NT5DC3: variants seen among roughly 807,000 people sequenced by gnomAD.
NT5DC3 encodes 5'-nucleotidase domain containing 3.
Under a neutral mutation model 67.8 loss-of-function variants are expected in NT5DC3, and 42 were observed. That is an observed-to-expected ratio of 0.62 (90% CI 0.48 to 0.80). The LOEUF (loss-of-function observed/expected upper bound fraction) is 0.80, where lower values mean the gene tolerates loss of function less well. Ranked by LOEUF, NT5DC3 falls within the 30% of genes least tolerant of loss-of-function variation. The pLI is 0.00. For synonymous variants in NT5DC3, 237 were observed against 255.6 expected (o/e 0.93, Z 0.69); for missense variants, 570 against 696.4 (o/e 0.82, Z 2.04).
At chr12:103,762,489 C>T in the NT5DC3 span, 1 of 1,591,846 alleles carries the variant, frequency 6.3e-7, no homozygotes. Context: ...GGTGGCTGCG[C>T]CAGAGTCCTC....
At chr12:103,755,228 A>C in the NT5DC3 span, 1 of 1,568,618 alleles carries the variant, frequency 6.4e-7, no homozygotes, top group Non-Finnish European at 8.6e-7. Flanking sequence ...TAATAGGGGA[A>C]TCAGACATTA....
chr12:103,786,396 G>A (rs1178814660), intron 11 of NT5DC3, among the ~76,000 whole-genome samples: 1 of 152,202 alleles, frequency 6.6e-6, no homozygotes, highest in Non-Finnish European at 1.5e-5. Context: ...ATGCTGGAGG[G>A]TGGCATGTTA....
intron 1 of NT5DC3, among the ~76,000 whole-genome samples, chr12:103,821,324 A>G (rs1887481855): frequency 6.6e-6 from 1 of 152,126 alleles, no homozygotes; most frequent in Admixed American, 6.5e-5. Flanking sequence ...CTTCAATACC[A>G]TGATTTTGTT....
chr12:103,819,234 A>G (rs574000784), intron 1 of NT5DC3, among the ~76,000 whole-genome samples: 85 of 152,362 alleles, frequency 5.6e-4, no homozygotes, highest in Non-Finnish European at 1.0e-3. Flanking sequence ...GAACACGAGG[A>G]GCAGCATCTT....
intron 1 of NT5DC3, among the ~76,000 whole-genome samples, chr12:103,832,256 G>A (rs1011703872): frequency 6.6e-6 from 1 of 151,978 alleles, no homozygotes; most frequent in Non-Finnish European, 1.5e-5. Context: ...ACTCTTGACG[G>A]TTAGAGGACA....
chr12:103,762,293 T>G, the NT5DC3 span: 1 of 1,614,214 alleles, frequency 6.2e-7, no homozygotes, highest in East Asian at 2.2e-5. Flanking sequence ...CACACTGGCT[T>G]GGGAGCAGGG....
intron 13 of NT5DC3, among the ~76,000 whole-genome samples, chr12:103,779,075 AG>A (rs1389461089): frequency 6.6e-6 from 1 of 152,200 alleles, no homozygotes; most frequent in Non-Finnish European, 1.5e-5. Context: ...GAACTGAGTA[AG>A]GTAAGCAAAA....
At chr12:103,755,561 C>G in the NT5DC3 span, 1 of 1,611,256 alleles carries the variant, frequency 6.2e-7, no homozygotes, top group Non-Finnish European at 8.5e-7. Context: ...AGCAGTGCAG[C>G]CCTGGCCCCT....
At chr12:103,836,363 G>T (rs146194909) in intron 1 of NT5DC3, among the ~76,000 whole-genome samples, 70 of 152,262 alleles carry the variant, frequency 4.6e-4, no homozygotes, top group African/African-American at 1.4e-3. Context: ...TTACTTCCCA[G>T]ATACAATGGC....
intron 1 of NT5DC3, among the ~76,000 whole-genome samples, chr12:103,815,785 G>A (rs1161229756): frequency 6.6e-6 from 1 of 152,074 alleles, no homozygotes; most frequent in Non-Finnish European, 1.5e-5. Flanking sequence ...TTAAAAGGGT[G>A]AATTGTATGG....
At chr12:103,803,660 T>C (rs898817800) in intron 4 of NT5DC3, among the ~76,000 whole-genome samples, 6 of 152,082 alleles carry the variant, frequency 3.9e-5, no homozygotes, top group Admixed American at 3.9e-4. Context: ...TCCCAGAGTC[T>C]ATTGTTCACC....
chr12:103,806,503 A>C, intron 3 of NT5DC3, 126 bp from the exon 4 acceptor site: 1 of 699,082 alleles, frequency 1.4e-6, no homozygotes, highest in Non-Finnish European at 2.5e-6. Flanking sequence ...CACACTGTAT[A>C]TTCCTGAAAG....
At chr12:103,748,627 C>T in the NT5DC3 span, among the ~76,000 whole-genome samples, 27 of 82,144 alleles carry the variant, frequency 3.3e-4, no homozygotes, top group East Asian at 0.014. Context: ...CACACACACA[C>T]ACACACACAC....
At chr12:103,755,389 G>T in the NT5DC3 span, 1 of 1,614,158 alleles carries the variant, frequency 6.2e-7, no homozygotes, top group Non-Finnish European at 8.5e-7. Flanking sequence ...CTGTGGCTCT[G>T]GTGTGGTTGG....
chr12:103,761,099 C>A, the NT5DC3 span, among the ~76,000 whole-genome samples: 1 of 152,134 alleles, frequency 6.6e-6, no homozygotes, highest in Admixed American at 6.5e-5. Context: ...TTCTCTGCAG[C>A]CCTCAGATCA....
chr12:103,773,150 G>C lies in NT5DC3; in HGVS notation c.*4679C>G, dbSNP rs1265691260. On this transcript the variant is annotated 3_prime_UTR_variant, in exon 14 of 14. Transcript: ENST00000392876. Reference sequence around the variant, plus strand: ...TATTCATCTGCATGTTCTCAGCAAGGGAATCTTGCCATTGCCGCCAACACA... The same window carrying C: ...TATTCATCTGCATGTTCTCAGCAAGCGAATCTTGCCATTGCCGCCAACACA... 6.6e-6 allele frequency: 1 copy of C among 152,180 alleles called. No homozygotes were observed. Among genetic ancestry groups the C allele is most frequent in the Non-Finnish European group, 1.5e-5 (1 of 68,052 alleles). 9.4% of individuals were successfully genotyped at this position (152,180 alleles called of 1,614,324 possible). A position where few individuals can be genotyped will look rare whatever the true frequency, so the allele number is the denominator to read the frequency against.
At chr12:103,748,584 CCACACACA>C in the NT5DC3 span, among the ~76,000 whole-genome samples, 66 of 141,966 alleles carry the variant, frequency 4.6e-4, no homozygotes, top group Non-Finnish European at 7.4e-4. Context: ...TAACTCTACA[CCACACACA>C]CACACACACA....
At chr12:103,824,518 G>A (rs1393368467) in intron 1 of NT5DC3, among the ~76,000 whole-genome samples, 1 of 152,198 alleles carries the variant, frequency 6.6e-6, no homozygotes, top group Non-Finnish European at 1.5e-5. Context: ...CAGAACACCT[G>A]ACTCACGCTG....
At chr12:103,768,309 C>G (rs185153982), downstream of NT5DC3, among the ~76,000 whole-genome samples, 1 of 149,668 alleles carries the variant, frequency 6.7e-6, no homozygotes. Context: ...GTGGTGCACA[C>G]CTGTAGTTCC....
Sources: gnomAD v4.1 joint callset for allele counts (sites outside exome capture counted in the v4.1 genomes callset) on GRCh38, gnomAD v4.1.1 for gene constraint, MANE v1.5 for transcripts, NCBI Gene and HGNC (gene_info 2026-07-23, HGNC 2026-07-21) for gene names.